The following MOB1B variants were observed in gnomAD, a reference collection of about 807,000 sequenced individuals.
MOB1B encodes the protein MOB1 Mps One Binder homolog B.
A neutral mutation model predicts 24.4 loss-of-function variants in MOB1B; 19 were observed. That is an observed-to-expected ratio of 0.78 (90% CI 0.54 to 1.14). The LOEUF (loss-of-function observed/expected upper bound fraction) is 1.14, where lower values mean the gene tolerates loss of function less well. MOB1B is among the 50% of genes most tolerant of loss of function. MOB1B has a pLI of 0.00. For missense variants in MOB1B, 243 were observed against 259.6 expected (o/e 0.94, Z 0.44); for synonymous variants, 76 against 82.1 (o/e 0.93, Z 0.40).
intron 2 of MOB1B, among the ~76,000 whole-genome samples, chr4:70,968,699 C>T (rs1254396818): frequency 6.6e-6 from 1 of 152,144 alleles, no homozygotes; most frequent in African/African-American, 2.4e-5. Flanking sequence ...ATTATAGCCT[C>T]GAACTCCTGG....
chr4:70,960,572 G>T (rs1738263466), intron 2 of MOB1B, among the ~76,000 whole-genome samples: 1 of 152,048 alleles, frequency 6.6e-6, no homozygotes, highest in Non-Finnish European at 1.5e-5. Flanking sequence ...TACCTTTTAG[G>T]AACCAGGGGA....
chr4:70,928,724 G>A (rs1578360200), intron 1 of MOB1B, among the ~76,000 whole-genome samples: 1 of 152,090 alleles, frequency 6.6e-6, no homozygotes, highest in African/African-American at 2.4e-5. Flanking sequence ...GAAGAGTTTA[G>A]AATACCTATT....
chr4:70,966,520 A>G (rs1260468555), intron 2 of MOB1B, among the ~76,000 whole-genome samples: 2 of 151,834 alleles, frequency 1.3e-5, no homozygotes, highest in Non-Finnish European at 2.9e-5. Flanking sequence ...GATTACAGGC[A>G]TGCGCCACTG....
At chr4:70,929,648 T>C (rs997441943) in intron 1 of MOB1B, among the ~76,000 whole-genome samples, 2 of 138,512 alleles carry the variant, frequency 1.4e-5, no homozygotes, top group Admixed American at 7.3e-5. Context: ...ACCAAGCTAA[T>C]TTTTTTTTTT....
chr4:70,918,531 G>A (rs546833353), intron 1 of MOB1B, among the ~76,000 whole-genome samples: 1 of 151,702 alleles, frequency 6.6e-6, no homozygotes, highest in Admixed American at 6.6e-5. Context: ...ACTTTTTGAT[G>A]GGGTTGTTTG....
chr4:70,936,577 A>G (rs1737096840), intron 1 of MOB1B, among the ~76,000 whole-genome samples: 1 of 152,122 alleles, frequency 6.6e-6, no homozygotes, highest in Non-Finnish European at 1.5e-5. Flanking sequence ...TTGGTATTAT[A>G]TAGTCCTGCA....
At chr4:70,937,231 T>G (rs1027757711) in intron 1 of MOB1B, among the ~76,000 whole-genome samples, 1 of 152,042 alleles carries the variant, frequency 6.6e-6, no homozygotes, top group African/African-American at 2.4e-5. Flanking sequence ...AATACTTTTT[T>G]ATTGGTTTTT....
intron 2 of MOB1B, among the ~76,000 whole-genome samples, chr4:70,962,288 T>C (rs752132280): frequency 1.3e-5 from 2 of 152,228 alleles, no homozygotes; most frequent in African/African-American, 4.8e-5. Context: ...GTCAAAACTC[T>C]ACCTGATAAC....
rs1314834228 is a variant in MOB1B, at chr4:70,986,011, C to G, written c.*3954C>G. The G allele has an allele frequency of 6.6e-6, 1 of 152,180 alleles. No homozygotes were observed. Among genetic ancestry groups the G allele is most frequent in the East Asian group, 1.9e-4 (1 of 5,206 alleles). The allele number at this position is 152,180 out of a possible 1,614,324, so 9.4% of individuals were successfully genotyped here. A position where few individuals can be genotyped will look rare whatever the true frequency, so the allele number is the denominator to read the frequency against. On this transcript the variant is annotated 3_prime_UTR_variant, in exon 6 of 6. Transcript: ENST00000309395. ...GTCACTATTTTGAAGTGGAAATTAT[C>G]ACTTGGATGTGGAGGTTTTACTTTT... is the stretch of plus-strand genomic sequence containing the variant.
intron 2 of MOB1B, among the ~76,000 whole-genome samples, chr4:70,966,627 G>A (rs960793740): frequency 1.3e-5 from 2 of 152,104 alleles, no homozygotes; most frequent in African/African-American, 2.4e-5. Flanking sequence ...ACCTGCGTCA[G>A]CCTCCCAAAG....
chr4:70,932,509 T>A (rs554799273), intron 1 of MOB1B, among the ~76,000 whole-genome samples: 1 of 152,370 alleles, frequency 6.6e-6, no homozygotes, highest in African/African-American at 2.4e-5. Context: ...TTTTATTTTC[T>A]GATTTCTAAT....
chr4:70,908,570 T>C (rs1463820997), intron 1 of MOB1B, among the ~76,000 whole-genome samples: 91 of 139,024 alleles, frequency 6.5e-4, no homozygotes, highest in Middle Eastern at 5.1e-3. Context: ...GTCAGGAGTT[T>C]GAGACCAGCC....
At chr4:70,930,030 C>G (rs1262731175) in intron 1 of MOB1B, among the ~76,000 whole-genome samples, 2 of 152,262 alleles carry the variant, frequency 1.3e-5, no homozygotes, top group East Asian at 3.9e-4. Flanking sequence ...GTTGGAATTA[C>G]AGGCATGAGC....
chr4:70,912,222 T>C (rs903309661), intron 1 of MOB1B, among the ~76,000 whole-genome samples: 1 of 151,640 alleles, frequency 6.6e-6, no homozygotes, highest in African/African-American at 2.4e-5. Flanking sequence ...ACAACACATT[T>C]AATTAAGTAT....
chr4:70,919,189 A>G (rs575553525), intron 1 of MOB1B, among the ~76,000 whole-genome samples: 1 of 152,066 alleles, frequency 6.6e-6, no homozygotes, highest in African/African-American at 2.4e-5. Context: ...GGATAGCATT[A>G]GGAGATATAC....
At chr4:70,950,872 C>G in intron 1 of MOB1B, 1 of 938,804 alleles carries the variant, frequency 1.1e-6, no homozygotes, top group Non-Finnish European at 1.7e-6. Context: ...ACATAAGTTT[C>G]AGTAGTAAGG....
intron 1 of MOB1B, among the ~76,000 whole-genome samples, chr4:70,938,076 T>G (rs1737157556): frequency 6.6e-6 from 1 of 152,052 alleles, no homozygotes; most frequent in African/African-American, 2.4e-5. Context: ...TTTTTTCGAT[T>G]TTGGTGTCGT....
intron 2 of MOB1B, among the ~76,000 whole-genome samples, chr4:70,966,456 C>T (rs1309695135): frequency 6.6e-6 from 1 of 151,460 alleles, no homozygotes; most frequent in African/African-American, 2.4e-5. Flanking sequence ...CTCACCACAA[C>T]CTTTGCCTCC....
At chr4:70,907,273 G>A (rs1168174844) in intron 1 of MOB1B, among the ~76,000 whole-genome samples, 1 of 152,178 alleles carries the variant, frequency 6.6e-6, no homozygotes, top group Admixed American at 6.6e-5. Flanking sequence ...CCTGACGTAG[G>A]TGTTTTTCCT....
Sources: gnomAD v4.1 joint callset for allele counts (sites outside exome capture counted in the v4.1 genomes callset) on GRCh38, gnomAD v4.1.1 for gene constraint, MANE v1.5 for transcripts, NCBI Gene and HGNC (gene_info 2026-07-23, HGNC 2026-07-21) for gene names.